LANCL2: variants seen among roughly 807,000 people sequenced by gnomAD.
LANCL2 encodes the protein lanC-like protein 2.
LANCL2 carries 33 observed loss-of-function variants against 56.9 expected under a neutral mutation model. The ratio of observed to expected loss-of-function variants is 0.58; its 90% CI spans 0.44 to 0.78. The LOEUF is 0.78. LANCL2 is among the 30% of genes least tolerant of loss of function. LANCL2 has a pLI of 0.00. For synonymous variants in LANCL2, 233 were observed against 228.2 expected (o/e 1.02, Z -0.19); for missense variants, 562 against 580.2 (o/e 0.97, Z 0.32).
chr7:55,366,219 A>G lies in LANCL2; in HGVS notation c.194A>G (p.Gln65Arg). 1 of 1,513,606 alleles carries G rather than the reference A, an allele frequency of 6.6e-7. No homozygotes were observed. The highest frequency in any genetic ancestry group is 1.2e-5 in the South Asian group (1 of 81,054). The allele number at this position is 1,513,606 out of a possible 1,614,324, so 93.8% of individuals were successfully genotyped here. The change falls in exon 1 of 9, where the codon CAG becomes CGG. Residue 65 changes from glutamine to arginine, a missense_variant. Gln to Arg is a conservative substitution (Grantham distance 43, BLOSUM62 1). Around this residue, in one of 2 missense-constraint regions of LANCL2, gnomAD observed 184 missense variants for 111.8 expected, o/e 1.65. Transcript: ENST00000254770. The stretch of plus-strand genomic sequence containing the variant: ...GATGAGCCCGGCCTCCCTTTTCATC[A>G]GGACGGGAAGGTGAGTCGGCGGCCT... ...TTDEPGLPFH[Q>R]DGKIIHNFIR...
intron 2 of LANCL2, among the ~76,000 whole-genome samples, chr7:55,393,424 G>A (rs1790214430): frequency 1.3e-5 from 2 of 152,140 alleles, no homozygotes; most frequent in Non-Finnish European, 2.9e-5. Context: ...CCCAGCTACT[G>A]GGAACGCTGA....
rs538724740 is a variant in LANCL2, at chr7:55,432,415, T to C, written c.*1095T>C. ...AATGTTCTAACCAACAACATTATGGTATTTGTGTGACTTTTATTTGAAAAA... is the reference window on the plus strand; with the variant it reads ...AATGTTCTAACCAACAACATTATGGCATTTGTGTGACTTTTATTTGAAAAA... On this transcript the variant is annotated 3_prime_UTR_variant, in exon 9 of 9. Coordinates refer to ENST00000254770, the MANE Select transcript of LANCL2 (RefSeq NM_018697.4). 14 of 152,340 alleles carry C rather than the reference T, an allele frequency of 9.2e-5. No individual in the cohort carries two copies. Among genetic ancestry groups the C allele is most frequent in the East Asian group, 5.8e-4 (3 of 5,192 alleles). 9.4% of individuals were successfully genotyped at this position (152,340 alleles called of 1,614,324 possible).
In LANCL2 at chr7:55,398,700, GA is replaced by G. The variant is rs1290293677; in HGVS notation, c.530+73del. 4.3e-6 allele frequency: 5 copies of G among 1,170,856 alleles called. No individual in the cohort carries two copies. The African/African-American group carries it at 7.6e-5, about 18-fold the overall frequency. The allele number at this position is 1,170,856 out of a possible 1,614,324, so 72.5% of individuals were successfully genotyped here. A position where few individuals can be genotyped will look rare whatever the true frequency, so the allele number is the denominator to read the frequency against. ...AGCTCTTGCTGTAGAAAGATATTCA[GA>G]AAGGAAACTATTTTTCCATTCATCC... On this transcript the variant is annotated intron_variant, in intron 3 of 8. Coordinates refer to ENST00000254770, the MANE Select transcript of LANCL2 (RefSeq NM_018697.4).
At chr7:55,401,742 C>CTT (rs1047302338) in intron 5 of LANCL2, among the ~76,000 whole-genome samples, 5 of 126,386 alleles carry the variant, frequency 4.0e-5, no homozygotes, top group African/African-American at 1.6e-4. Flanking sequence ...GGTGATGACT[C>CTT]TTAACGAGCA....
intron 6 of LANCL2, among the ~76,000 whole-genome samples, chr7:55,420,609 G>T (rs149785779): frequency 0.017 from 2,594 of 152,318 alleles, 33 homozygotes; most frequent in Non-Finnish European, 0.026. Flanking sequence ...CGAACTTCCT[G>T]TAATGACCCA....
chr7:55,374,691 T>C (rs1375544508), intron 1 of LANCL2, among the ~76,000 whole-genome samples: 2 of 152,180 alleles, frequency 1.3e-5, no homozygotes, highest in Non-Finnish European at 2.9e-5. Context: ...TCTTCATGTG[T>C]CTAACATTAC....
intron 2 of LANCL2, among the ~76,000 whole-genome samples, chr7:55,393,132 T>A (rs1217668351): frequency 1.3e-5 from 2 of 152,204 alleles, no homozygotes; most frequent in Non-Finnish European, 2.9e-5. Context: ...ATAAAGGATA[T>A]AAAAGATAAC....
At chr7:55,388,844 G>C (rs1202964230) in intron 1 of LANCL2, among the ~76,000 whole-genome samples, 3 of 152,164 alleles carry the variant, frequency 2.0e-5, no homozygotes, top group Admixed American at 6.5e-5. Flanking sequence ...TACAGTGGCT[G>C]AGCTTGTGGC....
intron 1 of LANCL2, among the ~76,000 whole-genome samples, chr7:55,388,014 A>G (rs1213946801): frequency 1.3e-5 from 2 of 152,240 alleles, no homozygotes; most frequent in African/African-American, 2.4e-5. Flanking sequence ...GCAGTTAGGA[A>G]GAAAGAGGGG....
At chr7:55,398,173 CTG>C (rs758029789) in intron 2 of LANCL2, among the ~76,000 whole-genome samples, 1 of 152,186 alleles carries the variant, frequency 6.6e-6, no homozygotes, top group Non-Finnish European at 1.5e-5. Context: ...TATTAAATCA[CTG>C]TGCCAGGACA....
intron 1 of LANCL2, among the ~76,000 whole-genome samples, chr7:55,391,118 G>A (rs545389044): frequency 3.4e-5 from 5 of 149,222 alleles, no homozygotes; most frequent in Non-Finnish European, 5.9e-5. Flanking sequence ...CCGGGTTCAC[G>A]CCATTCTCCT....
At chr7:55,382,957 C>T (rs1029940419) in intron 1 of LANCL2, among the ~76,000 whole-genome samples, 27 of 152,210 alleles carry the variant, frequency 1.8e-4, no homozygotes, top group South Asian at 2.1e-4. Context: ...AAAGTTAAAC[C>T]GTAAATTAAA....
chr7:55,406,325 G>C (rs1790406500), intron 5 of LANCL2, among the ~76,000 whole-genome samples: 1 of 152,220 alleles, frequency 6.6e-6, no homozygotes, highest in Admixed American at 6.5e-5. Context: ...GCTGGCCAGA[G>C]CGTCCCTGGT....
chr7:55,365,930 C>G lies in LANCL2; in HGVS notation c.-96C>G, dbSNP rs1789855283. On this transcript the variant is annotated 5_prime_UTR_variant, in exon 1 of 9. Transcript: ENST00000254770. ...GCGGCCTCGCTCCTCCTAGAGGACG[C>G]TCTCTGCGCGGGCCCTCGGAGGAGG... 14 of 1,002,050 alleles carry G rather than the reference C, an allele frequency of 1.4e-5. No individual in the cohort carries two copies. In the East Asian group the frequency reaches 4.5e-4, roughly 32 times the overall value. 62.1% of individuals were successfully genotyped at this position (1,002,050 alleles called of 1,614,324 possible). A position where few individuals can be genotyped will look rare whatever the true frequency, so the allele number is the denominator to read the frequency against.
chr7:55,370,382 A>G (rs1583739160), intron 1 of LANCL2, among the ~76,000 whole-genome samples: 1 of 152,236 alleles, frequency 6.6e-6, no homozygotes, highest in Admixed American at 6.5e-5. Context: ...CAAGACAGTA[A>G]ATCCAGCCCA....
chr7:55,428,174 C>G (rs1320387850), intron 7 of LANCL2: 2 of 603,182 alleles, frequency 3.3e-6, no homozygotes, highest in Non-Finnish European at 5.9e-6. Flanking sequence ...AGACCCCACT[C>G]TACAGCTGAG....
chr7:55,374,648 A>G (rs943062403), intron 1 of LANCL2, among the ~76,000 whole-genome samples: 1 of 152,200 alleles, frequency 6.6e-6, no homozygotes, highest in African/African-American at 2.4e-5. Flanking sequence ...AAGCAAGCCC[A>G]CACTCTTGCT....
At chr7:55,368,133 C>T (rs10275677) in intron 1 of LANCL2, among the ~76,000 whole-genome samples, 134,051 of 152,260 alleles carry the variant, frequency 0.88, 59,255 homozygotes, top group African/African-American at 0.91. Context: ...ATGAGAATAA[C>T]AAAAATAATG....
chr7:55,404,513 A>G (rs1037644478), intron 5 of LANCL2, among the ~76,000 whole-genome samples: 3 of 152,222 alleles, frequency 2.0e-5, no homozygotes, highest in African/African-American at 7.2e-5. Flanking sequence ...ATTCATACCT[A>G]CACAGGATTA....
Sources: allele counts gnomAD v4.1 joint callset (sites outside exome capture counted in the v4.1 genomes callset), GRCh38; gene constraint gnomAD v4.1.1; regional missense constraint gnomAD v4.1.1; transcripts MANE v1.5; gene names NCBI Gene and HGNC (gene_info 2026-07-23, HGNC 2026-07-21).